The following SUPT3H variants were observed in gnomAD, a reference collection of about 807,000 sequenced individuals.
The protein encoded by SUPT3H is transcription initiation protein SPT3 homolog.
In SUPT3H, 44 loss-of-function variants were observed where a neutral mutation model predicts 44.3. The observed-to-expected ratio is 0.99, with a 90% CI of 0.78 to 1.28. The LOEUF (loss-of-function observed/expected upper bound fraction) is 1.28. Ranked by LOEUF, SUPT3H falls within the 50% of genes most tolerant of loss-of-function variation. The pLI is 0.00. For missense variants in SUPT3H, 380 were observed against 387.1 expected, an observed-to-expected ratio of 0.98 and a Z score of 0.15; for synonymous variants, 124 against 125.6, an observed-to-expected ratio of 0.99 and a Z score of 0.09.
intron 2 of SUPT3H, among the ~76,000 whole-genome samples, chr6:45,305,003 AG>A (rs1782765536): frequency 6.6e-6 from 1 of 152,232 alleles, no homozygotes; most frequent in Non-Finnish European, 1.5e-5. Flanking sequence ...TGTATCCAAT[AG>A]GAATCACAGA....
At chr6:45,014,584 G>A (rs1409907005) in intron 5 of SUPT3H, among the ~76,000 whole-genome samples, 1 of 152,098 alleles carries the variant, frequency 6.6e-6, no homozygotes, top group Non-Finnish European at 1.5e-5. Flanking sequence ...TATTTTTCAA[G>A]AATTAGAATC....
intron 2 of SUPT3H, among the ~76,000 whole-genome samples, chr6:45,165,878 A>G (rs986779548): frequency 5.9e-5 from 9 of 152,236 alleles, no homozygotes; most frequent in Non-Finnish European, 1.3e-4. Context: ...ATGATCTAAC[A>G]TAGGTAAAAC....
chr6:45,062,056 T>C (rs1039685746), intron 3 of SUPT3H, among the ~76,000 whole-genome samples: 1 of 151,988 alleles, frequency 6.6e-6, no homozygotes, highest in Non-Finnish European at 1.5e-5. Flanking sequence ...CCAGTATCAA[T>C]TCACTTTTAA....
At chr6:45,031,352 C>T (rs909676519) in intron 3 of SUPT3H, among the ~76,000 whole-genome samples, 3 of 151,932 alleles carry the variant, frequency 2.0e-5, no homozygotes, top group African/African-American at 7.3e-5. Context: ...AATTATAATA[C>T]ATATTTGTGT....
chr6:45,274,753 G>C (rs998264000), intron 2 of SUPT3H, among the ~76,000 whole-genome samples: 1 of 152,008 alleles, frequency 6.6e-6, no homozygotes, highest in African/African-American at 2.4e-5. Flanking sequence ...GTGTGGTGTT[G>C]TATGCCTGTA....
At chr6:44,883,985 T>C (rs1336580752) in intron 10 of SUPT3H, among the ~76,000 whole-genome samples, 2 of 152,056 alleles carry the variant, frequency 1.3e-5, no homozygotes, top group Admixed American at 1.3e-4. Flanking sequence ...CCAAAAGCAA[T>C]GACAGCAAAA....
chr6:44,830,457 AT>A (rs1441159895), intron 10 of SUPT3H, among the ~76,000 whole-genome samples: 6 of 152,214 alleles, frequency 3.9e-5, no homozygotes, highest in African/African-American at 1.4e-4. Context: ...ATGGATATGC[AT>A]GGTGGGATAA....
At chr6:44,876,657 A>C (rs1176501754) in intron 10 of SUPT3H, among the ~76,000 whole-genome samples, 1 of 148,554 alleles carries the variant, frequency 6.7e-6, no homozygotes, top group African/African-American at 2.4e-5. Flanking sequence ...GTATAATTTA[A>C]AAAAAAAATT....
intron 10 of SUPT3H, among the ~76,000 whole-genome samples, chr6:44,919,328 G>A (rs550641993): frequency 5.3e-5 from 8 of 152,210 alleles, no homozygotes; most frequent in East Asian, 1.9e-4. Flanking sequence ...TAGATTAGGC[G>A]TCTTCTAAGA....
intron 10 of SUPT3H, among the ~76,000 whole-genome samples, chr6:44,857,338 G>A (rs1326929690): frequency 2.0e-5 from 3 of 152,098 alleles, no homozygotes; most frequent in East Asian, 1.9e-4. Flanking sequence ...TCTTAAGCTC[G>A]TATGGGTTTG....
rs200212937 is a variant in SUPT3H at position 45,294,867 on chromosome 6, A to G, written c.101+70334T>C. 1.8e-4 allele frequency among the ~76,000 whole-genome samples: 28 copies of G among 152,050 alleles called. 1 individual carries two copies. The East Asian group carries it at 5.2e-3, about 28-fold the overall frequency. On this transcript the variant is annotated intron_variant, in intron 2 of 10. Coordinates refer to ENST00000371459, the MANE Select transcript of SUPT3H (RefSeq NM_003599.4). Reference sequence around the variant, plus strand: ...AGACAACACAAACAAATGGAAACACATCCCATCCTAATGGATGGGTAGAAT... The same window carrying G: ...AGACAACACAAACAAATGGAAACACGTCCCATCCTAATGGATGGGTAGAAT...
rs541813999 is a variant in SUPT3H, at chr6:44,811,355, A to G, written c.*53-1854T>C. Among the ~76,000 whole-genome samples, 14 of 152,352 alleles carry G rather than the reference A, an allele frequency of 9.2e-5. No individual in the cohort carries two copies. The South Asian group carries it at 2.7e-3, about 29-fold the overall frequency. Reference sequence around the variant, plus strand: ...ACCCTTTTTGGAGGACAGGGTTAGCATGCATCATGTTAGGTGGAAGCATTT... The same window carrying G: ...ACCCTTTTTGGAGGACAGGGTTAGCGTGCATCATGTTAGGTGGAAGCATTT... On this transcript the variant is annotated intron_variant and NMD_transcript_variant, in intron 11 of 11. Transcript: ENST00000475057.
At chr6:44,872,651 T>C (rs1245394802) in intron 10 of SUPT3H, among the ~76,000 whole-genome samples, 1 of 126,266 alleles carries the variant, frequency 7.9e-6, no homozygotes, top group African/African-American at 2.9e-5. Context: ...CATAACAATA[T>C]TAACTTTAAA....
chr6:44,984,889 T>C (rs1779568031), intron 6 of SUPT3H, among the ~76,000 whole-genome samples: 1 of 152,074 alleles, frequency 6.6e-6, no homozygotes, highest in South Asian at 2.1e-4. Flanking sequence ...AAATAGCCCA[T>C]AATAAATCAG....
rs75791458 is a variant in SUPT3H, at chr6:45,169,085, T to C, written c.102-63079A>G. Among the ~76,000 whole-genome samples the C allele has an allele frequency of 1.2e-3, 179 of 152,300 alleles. 1 individual carries two copies. Among genetic ancestry groups the C allele is most frequent in the Non-Finnish European group, 1.0e-3 (71 of 68,020 alleles). ...TTTTAAAAAGGGTGATAAAGGAGCA[T>C]ACAATTAGAGTCCACATATTCTTCT... is the stretch of plus-strand genomic sequence containing the variant. On this transcript the variant is annotated intron_variant, in intron 2 of 10. Transcript: ENST00000371459.
chr6:45,039,340 G>C (rs886283361), intron 3 of SUPT3H, among the ~76,000 whole-genome samples: 2 of 151,958 alleles, frequency 1.3e-5, no homozygotes, highest in Admixed American at 1.3e-4. Flanking sequence ...TTGCTGAGGT[G>C]GTACGTGTGA....
At chr6:45,009,364 TCATA>T (rs1783157015) in intron 5 of SUPT3H, among the ~76,000 whole-genome samples, 1 of 152,204 alleles carries the variant, frequency 6.6e-6, no homozygotes, top group African/African-American at 2.4e-5. Context: ...GCTTTTGGTG[TCATA>T]CATTCAGAAT....
intron 2 of SUPT3H, among the ~76,000 whole-genome samples, chr6:45,128,601 T>C (rs1202996535): frequency 3.0e-4 from 40 of 133,108 alleles, no homozygotes; most frequent in Admixed American, 4.7e-4. Flanking sequence ...TATATATATA[T>C]ACACACATAC....
At chr6:45,141,062 G>A (rs965309409) in intron 2 of SUPT3H, among the ~76,000 whole-genome samples, 3 of 152,188 alleles carry the variant, frequency 2.0e-5, no homozygotes, top group Middle Eastern at 6.8e-3. Flanking sequence ...AGAAGAGGCC[G>A]GGTACAGTGG....
Sources: allele counts gnomAD v4.1 joint callset (sites outside exome capture counted in the v4.1 genomes callset), GRCh38; gene constraint gnomAD v4.1.1; transcripts MANE v1.5; gene names NCBI Gene and HGNC (gene_info 2026-07-23, HGNC 2026-07-21).